Variants in GFOD1 observed in about 807,000 individuals in gnomAD.
GFOD1 encodes Gfo/Idh/MocA-like oxidoreductase domain containing 1, also known as glucose-fructose oxidoreductase domain-containing protein 1.
GFOD1 carries 9 observed loss-of-function variants against 25.4 expected under a neutral mutation model. That is an observed-to-expected ratio of 0.35 (90% CI 0.21 to 0.62). The LOEUF is 0.62. Ranked by LOEUF, GFOD1 falls within the 20% of genes least tolerant of loss-of-function variation. The probability of loss-of-function intolerance (pLI) is 0.72; values close to 1 mark genes in which losing one functional copy is unlikely to be tolerated. For missense variants in GFOD1, 403 were observed against 556.9 expected (o/e 0.72, Z 2.78); for synonymous variants, 253 against 245.6 (o/e 1.03, Z -0.28).
intron 1 of GFOD1, among the ~76,000 whole-genome samples, chr6:13,392,835 C>T (rs520828): frequency 0.65 from 98,288 of 151,720 alleles, 32,839 homozygotes; most frequent in South Asian, 0.74. Context: ...GCGGGAGGAT[C>T]GCTTGAGGCC....
chr6:13,425,309 C>T (rs188748732), intron 1 of GFOD1, among the ~76,000 whole-genome samples: 1 of 152,126 alleles, frequency 6.6e-6, no homozygotes, highest in East Asian at 1.9e-4. Flanking sequence ...ACCATTGTTG[C>T]CACCATTTTA....
chr6:13,369,043 T>G (rs1232600825), intron 1 of GFOD1, among the ~76,000 whole-genome samples: 2 of 152,226 alleles, frequency 1.3e-5, no homozygotes, highest in African/African-American at 2.4e-5. Context: ...GCAATTACTT[T>G]TGCACCAACC....
chr6:13,439,271 C>T (rs1383094397), intron 1 of GFOD1, among the ~76,000 whole-genome samples: 4 of 152,194 alleles, frequency 2.6e-5, no homozygotes. Context: ...TCTGTAATTT[C>T]AAGTGGATTT....
chr6:13,458,697 CT>C (rs1758235474), intron 1 of GFOD1, among the ~76,000 whole-genome samples: 2 of 127,050 alleles, frequency 1.6e-5, no homozygotes, highest in Non-Finnish European at 3.2e-5. Context: ...TATGAAAGTG[CT>C]TTGTGCAGGT....
In GFOD1 at chr6:13,430,168, C is replaced by T. The variant is rs905764375; in HGVS notation, c.253+56470G>A. Among the ~76,000 whole-genome samples, 9 of 152,272 alleles carry T rather than the reference C, an allele frequency of 5.9e-5. No homozygotes were observed. The East Asian group carries it at 1.4e-3, about 23-fold the overall frequency. On this transcript the variant is annotated intron_variant, in intron 1 of 1. Transcript: ENST00000379287. The surrounding 1 kb of genome is among the most constrained non-coding windows in gnomAD (Gnocchi z 4.1). ...AAAATCCAGCCAGGCCGGGAGCAGT[C>T]GCTCATGCCTGTAACCCCAGCACTT...
chr6:13,394,794 G>A (rs1375078139), intron 1 of GFOD1, among the ~76,000 whole-genome samples: 6 of 151,898 alleles, frequency 4.0e-5, no homozygotes, highest in African/African-American at 7.3e-5. Context: ...CACCATGCCC[G>A]GCTAATTTTT....
chr6:13,439,216 G>A (rs1757878305), intron 1 of GFOD1, among the ~76,000 whole-genome samples: 1 of 143,026 alleles, frequency 7.0e-6, no homozygotes, highest in Non-Finnish European at 1.6e-5. Flanking sequence ...ATAAGAAGGA[G>A]AATCTAGGAA....
chr6:13,483,726 A>G (rs1342583515), intron 1 of GFOD1, among the ~76,000 whole-genome samples: 1 of 152,198 alleles, frequency 6.6e-6, no homozygotes, highest in African/African-American at 2.4e-5. Context: ...CTGGGCTGCC[A>G]TGATCTATGG....
chr6:13,399,786 G>C (rs1785806650), intron 1 of GFOD1, among the ~76,000 whole-genome samples: 1 of 152,210 alleles, frequency 6.6e-6, no homozygotes, highest in Admixed American at 6.5e-5. Context: ...TATCCGGAAT[G>C]ATTGGAAATT....
At chr6:13,383,983 T>C (rs953492970) in intron 1 of GFOD1, among the ~76,000 whole-genome samples, 6 of 152,192 alleles carry the variant, frequency 3.9e-5, no homozygotes, top group African/African-American at 1.2e-4. Context: ...TCCTAACACT[T>C]TGGGAGGCCG....
chr6:13,409,195 A>AAGAAAGAAAGAAAGAAAGAC (rs1786018870), intron 1 of GFOD1, among the ~76,000 whole-genome samples: 1 of 86,456 alleles, frequency 1.2e-5, no homozygotes, highest in Admixed American at 1.5e-4. Flanking sequence ...GAAAGAAAGA[A>AAGAAAGAAAGAAAGAAAGAC]AGAAAGAGAA....
At chr6:13,455,859 C>T (rs574226387) in intron 1 of GFOD1, among the ~76,000 whole-genome samples, 3 of 152,360 alleles carry the variant, frequency 2.0e-5, no homozygotes, top group East Asian at 1.9e-4. Context: ...CAGTCGGTCA[C>T]AGTTTAACAC....
intron 1 of GFOD1, among the ~76,000 whole-genome samples, chr6:13,410,132 A>T (rs1360889608): frequency 1.3e-5 from 2 of 150,906 alleles, no homozygotes; most frequent in East Asian, 2.0e-4. Flanking sequence ...TTTGTTTGGC[A>T]CTCTGGGAAG....
At chr6:13,444,128 A>G (rs1176507345) in intron 1 of GFOD1, among the ~76,000 whole-genome samples, 1 of 152,234 alleles carries the variant, frequency 6.6e-6, no homozygotes, top group African/African-American at 2.4e-5. Flanking sequence ...ACAATGGCAG[A>G]CTGGGTAAAG....
rs1486152903 is a variant in GFOD1, at chr6:13,430,467, T to A, written c.253+56171A>T. The stretch of plus-strand genomic sequence containing the variant: ...AAATAAATAAGTAAATAAATAAAAA[T>A]TAAAAAATAAAATCCAGCCATTGCA... On this transcript the variant is annotated intron_variant, in intron 1 of 1. Transcript: ENST00000379287. The surrounding 1 kb of genome is among the most constrained non-coding windows in gnomAD (Gnocchi z 4.1). Among the ~76,000 whole-genome samples the A allele has an allele frequency of 1.3e-5, 2 of 151,740 alleles. No individual in the cohort carries two copies. The highest frequency in any genetic ancestry group is 3.9e-4 in the East Asian group (2 of 5,172).
At chr6:13,478,720 C>T (rs767919617) in intron 1 of GFOD1, among the ~76,000 whole-genome samples, 12 of 152,176 alleles carry the variant, frequency 7.9e-5, no homozygotes, top group Admixed American at 1.3e-4. Flanking sequence ...TTGGGAGCTG[C>T]GTGTGGACAA....
At chr6:13,399,638 A>G in intron 1 of GFOD1, among the ~76,000 whole-genome samples, 1 of 152,242 alleles carries the variant, frequency 6.6e-6, no homozygotes, top group South Asian at 2.1e-4. Context: ...AAAAGGATGC[A>G]GACATTCTAT....
intron 1 of GFOD1, among the ~76,000 whole-genome samples, chr6:13,436,535 G>C (rs773303268): frequency 6.6e-6 from 1 of 152,126 alleles, no homozygotes; most frequent in Non-Finnish European, 1.5e-5. Flanking sequence ...TGGTTTTATA[G>C]GCTGCATAAT....
intron 1 of GFOD1, among the ~76,000 whole-genome samples, chr6:13,484,212 G>T (rs1278836385): frequency 6.6e-6 from 1 of 152,166 alleles, no homozygotes; most frequent in East Asian, 1.9e-4. Flanking sequence ...AGTTATGAGT[G>T]TGGATCGAAG....
Sources: gnomAD v4.1 joint callset for allele counts (sites outside exome capture counted in the v4.1 genomes callset) on GRCh38, gnomAD v4.1.1 for gene constraint, Gnocchi (gnomAD v3.1) non-coding constraint, MANE v1.5 for transcripts, NCBI Gene and HGNC (gene_info 2026-07-23, HGNC 2026-07-21) for gene names.